Variants in MTREX observed in about 807,000 individuals in gnomAD.
The protein encoded by MTREX is Mtr4 exosome RNA helicase.
Under a neutral mutation model 135.4 loss-of-function variants are expected in MTREX, and 76 were observed. The observed-to-expected ratio is 0.56, with a 90% confidence interval of 0.47 to 0.68. MTREX has a LOEUF of 0.68. Among genes scored for constraint, MTREX ranks in the 30% least tolerant of loss-of-function variants. MTREX has a pLI of 0.00. For synonymous variants in MTREX, 404 were observed against 401.6 expected (o/e 1.01, Z -0.07); for missense variants, 920 against 1,262.1 (o/e 0.73, Z 4.11).
rs1024944840 is a variant in MTREX, at chr5:55,425,151, G to T, written c.*379G>T. The T allele has an allele frequency of 1.3e-6, 2 of 1,572,506 alleles. No individual in the cohort carries two copies. Among genetic ancestry groups the T allele is most frequent in the Admixed American group, 2.0e-5 (1 of 50,366 alleles). ...GAAAGATGCATCCTCTTGCCTTGTG[G>T]CAATCATTTTCCTTTAGAAAACAGG... On this transcript the variant is annotated 3_prime_UTR_variant, in exon 27 of 27. Transcript: ENST00000230640.
chr5:55,350,874 CT>C (rs771378432), intron 12 of MTREX, 44 bp from the exon 13 acceptor site: 1 of 1,413,830 alleles, frequency 7.1e-7, no homozygotes, highest in Non-Finnish European at 9.7e-7. Context: ...TTTAAAAATC[CT>C]TTTCTCACAT....
chr5:55,353,960 AAAG>A (rs1282297723), intron 14 of MTREX, among the ~76,000 whole-genome samples: 3 of 152,220 alleles, frequency 2.0e-5, no homozygotes, highest in Non-Finnish European at 4.4e-5. Context: ...CAGATTTAAA[AAAG>A]AAGTTCTAAC....
chr5:55,336,786 T>C (rs1264027257), intron 5 of MTREX, among the ~76,000 whole-genome samples: 1 of 152,208 alleles, frequency 6.6e-6, no homozygotes, highest in African/African-American at 2.4e-5. Flanking sequence ...AATACGATAG[T>C]GTATTTTCAA....
chr5:55,312,093 C>G (rs990759675), intron 1 of MTREX, among the ~76,000 whole-genome samples: 2 of 152,176 alleles, frequency 1.3e-5, no homozygotes, highest in African/African-American at 4.8e-5. Flanking sequence ...GCTTTAGCAC[C>G]TAGTGATAAT....
chr5:55,386,758 T>A (rs1007213620), intron 18 of MTREX, among the ~76,000 whole-genome samples: 1 of 152,108 alleles, frequency 6.6e-6, no homozygotes, highest in Middle Eastern at 3.2e-3. Context: ...CTCATACGCC[T>A]GTGGGGTTTT....
At position 55,390,799 on chromosome 5, in the gene MTREX, T is replaced by C. The variant is rs747160350; in HGVS notation, c.2181+2697T>C. ...ATTACAGATTAGAACTGTACACTTATAAAAATTTGAGGATTAAGATACCAG... is the reference window on the plus strand; with the variant it reads ...ATTACAGATTAGAACTGTACACTTACAAAAATTTGAGGATTAAGATACCAG... On this transcript the variant is annotated intron_variant, in intron 19 of 26. Coordinates refer to ENST00000230640, the MANE Select transcript of MTREX (RefSeq NM_015360.5). Among the ~76,000 whole-genome samples, 56 of 152,202 alleles carry C rather than the reference T, an allele frequency of 3.7e-4. 2 individuals are homozygous for C. The highest frequency in any genetic ancestry group is 2.5e-4 in the Non-Finnish European group (17 of 68,032).
chr5:55,340,296 C>CCTG, intron 6 of MTREX, 112 bp downstream of exon 6: 1 of 678,886 alleles, frequency 1.5e-6, no homozygotes, highest in South Asian at 4.8e-5. Flanking sequence ...AAGTATAGTA[C>CCTG]TTTATTTTCT....
intron 16 of MTREX, among the ~76,000 whole-genome samples, chr5:55,375,842 A>G (rs1750290974): frequency 6.6e-6 from 1 of 152,242 alleles, no homozygotes; most frequent in Non-Finnish European, 1.5e-5. Flanking sequence ...TGAAATCTTC[A>G]CAATCTACGT....
chr5:55,310,836 T>C (rs979423248), intron 1 of MTREX, among the ~76,000 whole-genome samples: 1 of 152,200 alleles, frequency 6.6e-6, no homozygotes, highest in African/African-American at 2.4e-5. Context: ...TGGAGTGCAC[T>C]GGTGCTTAGC....
At position 55,424,919 on chromosome 5, in the gene MTREX, TTACA is replaced by T. The variant is rs1751127488; in HGVS notation, c.*153_*156del. ...TCAAACATCATTCATAGAAAGCATATTACATACATGTTTATACATAAGCATTACA... is the reference window on the plus strand; with the variant it reads ...TCAAACATCATTCATAGAAAGCATATTACATGTTTATACATAAGCATTACA... On this transcript the variant is annotated 3_prime_UTR_variant, in exon 27 of 27. Coordinates refer to ENST00000230640, the MANE Select transcript of MTREX (RefSeq NM_015360.5). The T allele has an allele frequency of 1.4e-5, 9 of 653,302 alleles. No homozygotes were observed. The highest frequency in any genetic ancestry group is 2.6e-4 in the Middle Eastern group (1 of 3,830). 40.5% of individuals were successfully genotyped at this position (653,302 alleles called of 1,614,324 possible). A position where few individuals can be genotyped will look rare whatever the true frequency, so the allele number is the denominator to read the frequency against.
At chr5:55,395,218 C>A (rs1035974474) in intron 19 of MTREX, among the ~76,000 whole-genome samples, 1 of 151,704 alleles carries the variant, frequency 6.6e-6, no homozygotes, top group African/African-American at 2.4e-5. Context: ...CCAGCCTGAT[C>A]AACATGGCGA....
In MTREX at chr5:55,388,025, T is replaced by C. The variant is rs1437811552; in HGVS notation, c.2104T>C (p.Cys702Arg). The change falls in exon 19 of 27, where the codon TGT (cysteine) becomes CGT (arginine). Residue 702 changes from cysteine (C) to arginine (R), a missense_variant. Around this residue, in one of 6 missense-constraint regions of MTREX, gnomAD observed 467 missense variants for 589.7 expected, o/e 0.79. Coordinates refer to ENST00000230640, the MANE Select transcript of MTREX (RefSeq NM_015360.5). ...GTATGTAGTAGAAGTACTTCTGCGCTGTAGCAAAGAGAGCTTGAAAAATTC... is the reference window on the plus strand; with the variant it reads ...GTATGTAGTAGAAGTACTTCTGCGCCGTAGCAAAGAGAGCTTGAAAAATTC... ...PLYVVEVLLRCSKESLKNSAT... is the reference protein window; with the variant it reads ...PLYVVEVLLRRSKESLKNSAT... The C allele has an allele frequency of 1.2e-6, 2 of 1,608,462 alleles. No individual in the cohort carries two copies. The highest frequency in any genetic ancestry group is 2.7e-5 in the African/African-American group (2 of 74,844).
chr5:55,424,676 T>A (rs754397159), intron 26 of MTREX, 44 bp from the exon 27 acceptor site: 12 of 1,445,524 alleles, frequency 8.3e-6, no homozygotes, highest in Non-Finnish European at 7.8e-6. Flanking sequence ...AAGTTAGGTG[T>A]TTTGTGGTCT....
chr5:55,329,602 A>G (rs1181210626), intron 5 of MTREX, among the ~76,000 whole-genome samples: 2 of 151,994 alleles, frequency 1.3e-5, no homozygotes, highest in African/African-American at 2.4e-5. Flanking sequence ...GTGCAGTTCT[A>G]CTGATGAGAA....
intron 14 of MTREX, chr5:55,356,441 G>T: frequency 4.8e-6 from 1 of 209,380 alleles, no homozygotes; most frequent in South Asian, 9.3e-5. Flanking sequence ...AGTGTGAGGA[G>T]GCACATTTGA....
Position 55,410,505 on chromosome 5 carries a change from T to A in MTREX, c.2646-19T>A. 6.5e-7 allele frequency: 1 copy of A among 1,532,376 alleles called. No homozygotes were observed. Among genetic ancestry groups the A allele is most frequent in the Non-Finnish European group, 9.0e-7 (1 of 1,111,424 alleles). The allele number at this position is 1,532,376 out of a possible 1,614,324, so 94.9% of individuals were successfully genotyped here. On this transcript the variant is annotated intron_variant, in intron 22 of 26. Transcript: ENST00000230640. ...GTCTTTATATTCTGACATTTTATTC[T>A]TTTGTTTTGCCATTGTAGTGCTGAT...
At chr5:55,341,598 C>A in intron 6 of MTREX, 83 bp from the exon 7 acceptor site, 3 of 605,818 alleles carry the variant, frequency 5.0e-6, no homozygotes, top group African/African-American at 1.9e-5. Flanking sequence ...TCCAAAATTC[C>A]TTGTTGGAAA....
intron 16 of MTREX, among the ~76,000 whole-genome samples, chr5:55,367,519 C>G (rs1035972472): frequency 6.6e-6 from 1 of 151,900 alleles, no homozygotes; most frequent in African/African-American, 2.4e-5. Flanking sequence ...GCCTATTAGC[C>G]TTGTCCTTTC....
At chr5:55,363,111 C>T (rs538275983) in intron 15 of MTREX, among the ~76,000 whole-genome samples, 54 of 152,156 alleles carry the variant, frequency 3.5e-4, no homozygotes, top group African/African-American at 1.2e-3. Context: ...TAATTTTGAC[C>T]TTACTGGTTA....
Sources: gnomAD v4.1 joint callset for allele counts (sites outside exome capture counted in the v4.1 genomes callset) on GRCh38, gnomAD v4.1.1 for gene constraint, gnomAD v4.1.1 regional missense constraint, MANE v1.5 for transcripts, NCBI Gene and HGNC (gene_info 2026-07-23, HGNC 2026-07-21) for gene names.